The following CLEC11A variants were observed in gnomAD, a reference collection of about 807,000 sequenced individuals.
CLEC11A encodes C-type lectin domain family 11 member A.
A neutral mutation model predicts 33.9 loss-of-function variants in CLEC11A; 35 were observed. The observed-to-expected ratio is 1.03, with a 90% CI of 0.79 to 1.37. The LOEUF (loss-of-function observed/expected upper bound fraction) is 1.37. Among genes scored for constraint, CLEC11A ranks in the 40% most tolerant of loss-of-function variants. The pLI, the probability that CLEC11A is intolerant of heterozygous loss-of-function variation, is 0.00. For synonymous variants in CLEC11A, 220 were observed against 202.2 expected, an observed-to-expected ratio of 1.09 and a Z score of -0.75; for missense variants, 519 against 455.5, an observed-to-expected ratio of 1.14 and a Z score of -1.27.
Position 50,724,673 on chromosome 19 carries a change from G to A in CLEC11A, c.526+72G>A, listed in dbSNP as rs112695424. On this transcript the variant is annotated intron_variant, in intron 3 of 3. Coordinates refer to ENST00000250340, the MANE Select transcript of CLEC11A (RefSeq NM_002975.3). This position sits in a 1 kb window ranked among gnomAD's most constrained non-coding sequence, Gnocchi z 4.1. The stretch of plus-strand genomic sequence containing the variant: ...CAGGAATGGGACTGGTTGAGAAGGT[G>A]ACCCTAGGTGTCCGGGGCGGGAGAG... 723 of 1,331,292 alleles carry A rather than the reference G, an allele frequency of 5.4e-4. 4 individuals carry two copies. The African/African-American group carries it at 8.9e-3, about 16-fold the overall frequency. The allele number at this position is 1,331,292 out of a possible 1,614,324, so 82.5% of individuals were successfully genotyped here. A position where few individuals can be genotyped will look rare whatever the true frequency, so the allele number is the denominator to read the frequency against.
In CLEC11A at chr19:50,725,090, GCGGCGCAGGCGCGGTGCA is replaced by G; in HGVS notation, c.602_619del (p.Gln201_Ala206del). ...CTCGCGCGACTTCGAAGCTCAGGCGGCGGCGCAGGCGCGGTGCACGGCGCGGGGCGGGAGCCTGGCGCA... is the reference window on the plus strand; with the variant it reads ...CTCGCGCGACTTCGAAGCTCAGGCGGCGGCGCGGGGCGGGAGCCTGGCGCA... On this transcript the variant is annotated inframe_deletion, in exon 4 of 4. Coordinates refer to ENST00000250340, the MANE Select transcript of CLEC11A (RefSeq NM_002975.3). 6.6e-7 allele frequency: 1 copy of G among 1,521,548 alleles called. No homozygotes were observed. Among genetic ancestry groups the G allele is most frequent in the Non-Finnish European group, 8.8e-7 (1 of 1,136,880 alleles). The allele number at this position is 1,521,548 out of a possible 1,614,324, so 94.3% of individuals were successfully genotyped here.
chr19:50,724,382 C>T lies in CLEC11A; in HGVS notation c.335-28C>T. On this transcript the variant is annotated intron_variant, in intron 2 of 3. Coordinates refer to ENST00000250340, the MANE Select transcript of CLEC11A (RefSeq NM_002975.3). This position sits in a 1 kb window ranked among gnomAD's most constrained non-coding sequence, Gnocchi z 4.1. ...CCCCCGCTGCATCTCCAGGCTCCCC[C>T]TCCAGCATGATCCCTGTCTGTCCGC... 6.7e-7 allele frequency: 1 copy of T among 1,483,450 alleles called. No individual in the cohort carries two copies. The highest frequency in any genetic ancestry group is 8.9e-7 in the Non-Finnish European group (1 of 1,125,136). The allele number at this position is 1,483,450 out of a possible 1,614,324, so 91.9% of individuals were successfully genotyped here. A position where few individuals can be genotyped will look rare whatever the true frequency, so the allele number is the denominator to read the frequency against.
chr19:50,724,006 G>C lies in CLEC11A; in HGVS notation c.249G>C (p.Gly83=). The part of the protein sequence containing the change: ...KEDWEMEEDQ[G]EEEEEEATPT... ...ACTGGGAGATGGAGGAGGACCAGGGGGAGGAAGAGGAGGAGGAAGCAACGC... is the reference window on the plus strand; with the variant it reads ...ACTGGGAGATGGAGGAGGACCAGGGCGAGGAAGAGGAGGAGGAAGCAACGC... The change falls in exon 2 of 4, where the codon GGG becomes GGC. Residue 83 remains glycine, a synonymous_variant. Coordinates refer to ENST00000250340, the MANE Select transcript of CLEC11A (RefSeq NM_002975.3). The surrounding 1 kb of genome is among the most constrained non-coding windows in gnomAD (Gnocchi z 4.1). 6.2e-7 allele frequency: 1 copy of C among 1,612,576 alleles called. No individual in the cohort carries two copies. The highest frequency in any genetic ancestry group is 1.1e-5 in the South Asian group (1 of 91,046).
At position 50,723,869 on chromosome 19, in the gene CLEC11A, G is replaced by C. The variant is rs1233024576; in HGVS notation, c.148-36G>C. On this transcript the variant is annotated intron_variant, in intron 1 of 3. Transcript: ENST00000250340. This position sits in a 1 kb window ranked among gnomAD's most constrained non-coding sequence, Gnocchi z 4.1. ...AAAGGGGTGAATGGGGCATCTTGGTGGCAGGCTGGGGCTCACCACCCCTCC... is the reference window on the plus strand; with the variant it reads ...AAAGGGGTGAATGGGGCATCTTGGTCGCAGGCTGGGGCTCACCACCCCTCC... 1 of 1,584,076 alleles carries C rather than the reference G, an allele frequency of 6.3e-7. No homozygotes were observed. Among genetic ancestry groups the C allele is most frequent in the African/African-American group, 1.4e-5 (1 of 73,374 alleles).
chr19:50,724,295 G>GCCCC lies in CLEC11A; in HGVS notation c.335-110_335-107dup. 8.8e-7 allele frequency: 1 copy of GCCCC among 1,130,924 alleles called. No individual in the cohort carries two copies. Among genetic ancestry groups the GCCCC allele is most frequent in the Non-Finnish European group, 1.2e-6 (1 of 830,040 alleles). The allele number at this position is 1,130,924 out of a possible 1,614,324, so 70.1% of individuals were successfully genotyped here. ...ACCCTACCTTCCAGGAGTCCGGGGT[G>GCCCC]CCCCCCCCACCGCCACCCCGCCCTC... On this transcript the variant is annotated intron_variant, in intron 2 of 3. Coordinates refer to ENST00000250340, the MANE Select transcript of CLEC11A (RefSeq NM_002975.3). This position sits in a 1 kb window ranked among gnomAD's most constrained non-coding sequence, Gnocchi z 4.1.
Position 50,725,130 on chromosome 19 carries a change from C to T in CLEC11A, c.635C>T (p.Ala212Val), listed in dbSNP as rs1453899561. 1.9e-6 allele frequency: 3 copies of T among 1,545,626 alleles called. No individual in the cohort carries two copies. The highest frequency in any genetic ancestry group is 2.0e-5 in the Admixed American group (1 of 50,906). ...TGCACGGCGCGGGGCGGGAGCCTGG[C>T]GCAGCCGGCAGACCGCCAGCAGATG... ...ARCTARGGSL[A>V]QPADRQQMEA... Residue 212 changes from alanine (A) to valine (V), a missense_variant, in exon 4 of 4, where the codon GCG becomes GTG. By Grantham distance (64) the Ala-to-Val change is moderately conservative (BLOSUM62 0). Transcript: ENST00000250340.
rs1272653127 is a variant in CLEC11A at position 50,724,174 on chromosome 19, A to T, written c.334+83A>T. The T allele has an allele frequency of 1.3e-6, 2 of 1,596,434 alleles. No individual in the cohort carries two copies. The highest frequency in any genetic ancestry group is 4.5e-5 in the East Asian group (2 of 44,748). ...AAAATGAAGGGTCGGTTCACTGCCA[A>T]GTGGCCTTTCAGTTGTCCATTGCCC... is the stretch of plus-strand genomic sequence containing the variant. On this transcript the variant is annotated intron_variant, in intron 2 of 3. Transcript: ENST00000250340. The surrounding 1 kb of genome is among the most constrained non-coding windows in gnomAD (Gnocchi z 4.1).
Position 50,725,292 on chromosome 19 carries a change from G to T in CLEC11A, c.797G>T (p.Arg266Leu). The change falls in exon 4 of 4, where the codon CGC (arginine) becomes CTC (leucine). Residue 266 changes from arginine to leucine, a missense_variant. By Grantham distance (102) the Arg-to-Leu change is moderately radical. Transcript: ENST00000250340. Reference sequence around the variant, plus strand: ...CGCGTGTCCTTCTTCGCCTGGCATCGCTCACCCCGCCCCGAGCTCGGCGCC... The same window carrying T: ...CGCGTGTCCTTCTTCGCCTGGCATCTCTCACCCCGCCCCGAGCTCGGCGCC... ...GQRVSFFAWH[R>L]SPRPELGAQP... 4 of 1,611,950 alleles carry T rather than the reference G, an allele frequency of 2.5e-6. No homozygotes were observed. Among genetic ancestry groups the T allele is most frequent in the Non-Finnish European group, 3.4e-6 (4 of 1,179,476 alleles).
Position 50,725,156 on chromosome 19 carries a change from G to T in CLEC11A, c.661G>T (p.Glu221Ter), listed in dbSNP as rs1425976680. The change falls in exon 4 of 4, where the codon GAG (glutamate) becomes TAG (stop). Residue 221 changes from glutamate to a stop codon, truncating the protein, a stop_gained. Coordinates refer to ENST00000250340, the MANE Select transcript of CLEC11A (RefSeq NM_002975.3). LOFTEE classifies it high-confidence loss of function. ...GCAGCCGGCAGACCGCCAGCAGATG[G>T]AGGCGCTCACTCGGTACCTGCGCGC... ...LAQPADRQQM[E>*]ALTRYLRAAL... 8.3e-6 allele frequency: 13 copies of T among 1,565,712 alleles called. No individual in the cohort carries two copies. The highest frequency in any genetic ancestry group is 9.5e-6 in the Non-Finnish European group (11 of 1,157,360).
chr19:50,724,466 G>A lies in CLEC11A; in HGVS notation c.391G>A (p.Ala131Thr), dbSNP rs750749493. Reference sequence around the variant, plus strand: ...GCACCAGCTGCACGTCCGTCTGCACGCGTTGGACACCCGCGTGGTCGAGCT... The same window carrying A: ...GCACCAGCTGCACGTCCGTCTGCACACGTTGGACACCCGCGTGGTCGAGCT... ...GLHQLHVRLHALDTRVVELTQ... is the reference protein window; with the variant it reads ...GLHQLHVRLHTLDTRVVELTQ... The change falls in exon 3 of 4, where the codon GCG (alanine) becomes ACG (threonine). Residue 131 changes from alanine (A) to threonine (T), a missense_variant. Physicochemically the swap from Ala to Thr is moderately conservative, Grantham distance 58. Coordinates refer to ENST00000250340, the MANE Select transcript of CLEC11A (RefSeq NM_002975.3). The surrounding 1 kb of genome is among the most constrained non-coding windows in gnomAD (Gnocchi z 4.1). 42 of 1,573,886 alleles carry A rather than the reference G, an allele frequency of 2.7e-5. No homozygotes were observed. The highest frequency in any genetic ancestry group is 3.3e-5 in the Non-Finnish European group (38 of 1,167,070).
rs201637505 is a variant in CLEC11A, at chr19:50,723,671, A to C, written c.146A>C (p.Lys49Thr). The change falls in exon 1 of 4, where the codon AAG becomes ACG. Residue 49 changes from lysine (K) to threonine (T), a missense_variant and splice_region_variant. By Grantham distance (78) the Lys-to-Thr change is moderately conservative (BLOSUM62 -1). Transcript: ENST00000250340. This position sits in a 1 kb window ranked among gnomAD's most constrained non-coding sequence, Gnocchi z 4.1. ...EEREREALML[K>T]HLQEALGLPA... is the part of the protein sequence containing the mutation. ...CGGGAGAGGGAGGCCCTGATGCTGAAGGTGAGCTCTGGAGTGTCAGGGAGC... is the reference window on the plus strand; with the variant it reads ...CGGGAGAGGGAGGCCCTGATGCTGACGGTGAGCTCTGGAGTGTCAGGGAGC... 2.7e-5 allele frequency: 43 copies of C among 1,581,574 alleles called. No homozygotes were observed. The highest frequency in any genetic ancestry group is 3.6e-5 in the Non-Finnish European group (42 of 1,165,700).
In CLEC11A at chr19:50,724,607, T is replaced by G. The variant is rs2089168746; in HGVS notation, c.526+6T>G. 11 of 1,395,008 alleles carry G rather than the reference T, an allele frequency of 7.9e-6. No homozygotes were observed. Among genetic ancestry groups the G allele is most frequent in the Non-Finnish European group, 1.0e-5 (11 of 1,078,590 alleles). The allele number at this position is 1,395,008 out of a possible 1,614,324, so 86.4% of individuals were successfully genotyped here. A position where few individuals can be genotyped will look rare whatever the true frequency, so the allele number is the denominator to read the frequency against. On this transcript the variant is annotated splice_donor_region_variant and intron_variant, in intron 3 of 3. Coordinates refer to ENST00000250340, the MANE Select transcript of CLEC11A (RefSeq NM_002975.3). This position sits in a 1 kb window ranked among gnomAD's most constrained non-coding sequence, Gnocchi z 4.1. The stretch of plus-strand genomic sequence containing the variant: ...CGAGCACGGCCGCTTGGAGGGTGAG[T>G]CCGCGGCGCGCGGGGTGGAAAAAAA...
In CLEC11A at chr19:50,724,176, T is replaced by A; in HGVS notation, c.334+85T>A. On this transcript the variant is annotated intron_variant, in intron 2 of 3. Coordinates refer to ENST00000250340, the MANE Select transcript of CLEC11A (RefSeq NM_002975.3). This position sits in a 1 kb window ranked among gnomAD's most constrained non-coding sequence, Gnocchi z 4.1. ...AATGAAGGGTCGGTTCACTGCCAAG[T>A]GGCCTTTCAGTTGTCCATTGCCCAG... 6.3e-7 allele frequency: 1 copy of A among 1,595,380 alleles called. No homozygotes were observed.
At position 50,723,561 on chromosome 19, in the gene CLEC11A, C is replaced by A. The variant is rs527788732; in HGVS notation, c.36C>A (p.Val12=). 2 of 1,612,332 alleles carry A rather than the reference C, an allele frequency of 1.2e-6. No homozygotes were observed. Among genetic ancestry groups the A allele is most frequent in the African/African-American group, 1.3e-5 (1 of 74,940 alleles). ...CCTGGCTTTTGGGGGCTTTGGTGGTCCCCCAGCTCTTGGGCTTTGGCCATG... is the reference window on the plus strand; with the variant it reads ...CCTGGCTTTTGGGGGCTTTGGTGGTACCCCAGCTCTTGGGCTTTGGCCATG... ...QAAWLLGALV[V]PQLLGFGHGA... Residue 12 remains valine, a synonymous_variant, in exon 1 of 4, where the codon GTC becomes GTA. Transcript: ENST00000250340. This position sits in a 1 kb window ranked among gnomAD's most constrained non-coding sequence, Gnocchi z 4.1.
Position 50,723,916 on chromosome 19 carries a change from A to G in CLEC11A, c.159A>G (p.Glu53=), listed in dbSNP as rs764623283. The G allele has an allele frequency of 5.0e-6, 8 of 1,607,496 alleles. No individual in the cohort carries two copies. In the Admixed American group the frequency reaches 1.4e-4, roughly 27 times the overall value. Residue 53 remains glutamate, a synonymous_variant, in exon 2 of 4, where the codon GAA becomes GAG. Coordinates refer to ENST00000250340, the MANE Select transcript of CLEC11A (RefSeq NM_002975.3). This position sits in a 1 kb window ranked among gnomAD's most constrained non-coding sequence, Gnocchi z 4.1. ...REALMLKHLQ[E]ALGLPAGRGD... ...CTCCCCTGCCCCAGCATCTGCAGGA[A>G]GCCCTAGGACTGCCTGCTGGGAGGG...
At position 50,723,778 on chromosome 19, in the gene CLEC11A, AGAG is replaced by A; in HGVS notation, c.147+110_147+112del. ...AATGAGGAGCGATTGGGATAGTCTC[AGAG>A]GAGTGGGAGGGTGATGGGCTCAGAG... On this transcript the variant is annotated intron_variant, in intron 1 of 3. Transcript: ENST00000250340. This position sits in a 1 kb window ranked among gnomAD's most constrained non-coding sequence, Gnocchi z 4.1. 1 of 1,529,440 alleles carries A rather than the reference AGAG, an allele frequency of 6.5e-7. No homozygotes were observed. The highest frequency in any genetic ancestry group is 8.8e-7 in the Non-Finnish European group (1 of 1,139,894). The allele number at this position is 1,529,440 out of a possible 1,614,324, so 94.7% of individuals were successfully genotyped here.
In CLEC11A at chr19:50,725,102, C is replaced by T. The variant is rs1259725939; in HGVS notation, c.607C>T (p.Arg203Trp). The T allele has an allele frequency of 9.2e-6, 14 of 1,528,528 alleles. No homozygotes were observed. In the South Asian group the frequency reaches 1.7e-4, roughly 19 times the overall value. 94.7% of individuals were successfully genotyped at this position (1,528,528 alleles called of 1,614,324 possible). Residue 203 changes from arginine to tryptophan, a missense_variant, in exon 4 of 4, where the codon CGG (arginine) becomes TGG (tryptophan). Transcript: ENST00000250340. ...DFEAQAAAQA[R>W]CTARGGSLAQ... ...CGAAGCTCAGGCGGCGGCGCAGGCG[C>T]GGTGCACGGCGCGGGGCGGGAGCCT...
rs199841561 is a variant in CLEC11A, at chr19:50,724,295, G to GC, written c.335-107dup. ...ACCCTACCTTCCAGGAGTCCGGGGT[G>GC]CCCCCCCCACCGCCACCCCGCCCTC... is the stretch of plus-strand genomic sequence containing the variant. On this transcript the variant is annotated intron_variant, in intron 2 of 3. Coordinates refer to ENST00000250340, the MANE Select transcript of CLEC11A (RefSeq NM_002975.3). The surrounding 1 kb of genome is among the most constrained non-coding windows in gnomAD (Gnocchi z 4.1). The GC allele has an allele frequency of 1.6e-3, 1,786 of 1,127,480 alleles. 1 individual carries two copies. The highest frequency in any genetic ancestry group is 4.2e-3 in the African/African-American group (263 of 62,426). The allele number at this position is 1,127,480 out of a possible 1,614,324, so 69.8% of individuals were successfully genotyped here.
rs769605317 is a variant in CLEC11A, at chr19:50,724,393, T to G, written c.335-17T>G. 4 of 1,489,896 alleles carry G rather than the reference T, an allele frequency of 2.7e-6. No individual in the cohort carries two copies. Among genetic ancestry groups the G allele is most frequent in the Non-Finnish European group, 3.5e-6 (4 of 1,127,424 alleles). 92.3% of individuals were successfully genotyped at this position (1,489,896 alleles called of 1,614,324 possible). On this transcript the variant is annotated splice_polypyrimidine_tract_variant and intron_variant, in intron 2 of 3. Transcript: ENST00000250340. The surrounding 1 kb of genome is among the most constrained non-coding windows in gnomAD (Gnocchi z 4.1). Reference sequence around the variant, plus strand: ...TCTCCAGGCTCCCCCTCCAGCATGATCCCTGTCTGTCCGCAGTGGGCCGCC... The same window carrying G: ...TCTCCAGGCTCCCCCTCCAGCATGAGCCCTGTCTGTCCGCAGTGGGCCGCC...
Sources: allele counts gnomAD v4.1 joint callset, GRCh38; gene constraint gnomAD v4.1.1; non-coding constraint Gnocchi (gnomAD v3.1); transcripts MANE v1.5; gene names NCBI Gene and HGNC (gene_info 2026-07-23, HGNC 2026-07-21).